The following TNFSF4 variants were observed in gnomAD, a reference collection of about 807,000 sequenced individuals.
TNFSF4 encodes tumor necrosis factor ligand superfamily member 4.
Under a neutral mutation model 7.3 loss-of-function variants are expected in TNFSF4, and 4 were observed. The ratio of observed to expected loss-of-function variants is 0.55; its 90% confidence interval spans 0.27 to 1.25. TNFSF4 has a LOEUF of 1.25. TNFSF4 is among the 50% of genes most tolerant of loss of function. The probability of loss-of-function intolerance (pLI) is 0.12; values close to 1 mark genes in which losing one functional copy is unlikely to be tolerated. For synonymous variants in TNFSF4, 76 were observed against 83.7 expected (o/e 0.91, Z 0.50); for missense variants, 181 against 208.8 (o/e 0.87, Z 0.82).
At chr1:173,314,420 A>C in the TNFSF4 span, among the ~76,000 whole-genome samples, 1 of 152,174 alleles carries the variant, frequency 6.6e-6, no homozygotes. Flanking sequence ...GCCCTCAAGC[A>C]GGCTACATAT....
the TNFSF4 span, among the ~76,000 whole-genome samples, chr1:173,306,442 G>A: frequency 6.6e-6 from 1 of 151,916 alleles, no homozygotes; most frequent in Admixed American, 6.6e-5. Context: ...AGTGAGATGG[G>A]TGGGAAGAGG....
chr1:173,235,068 CTTTAT>C, the TNFSF4 span, among the ~76,000 whole-genome samples: 1 of 152,088 alleles, frequency 6.6e-6, no homozygotes, highest in Non-Finnish European at 1.5e-5. Context: ...TTAGTGTTCC[CTTTAT>C]TTTGAGTGTT....
At chr1:173,424,769 T>C in the TNFSF4 span, among the ~76,000 whole-genome samples, 1 of 152,200 alleles carries the variant, frequency 6.6e-6, no homozygotes, top group Non-Finnish European at 1.5e-5. Flanking sequence ...AACCAGGTCA[T>C]ACAGTGGAAA....
chr1:173,202,956 CCCTCCCT>C (rs141321660), intron 1 of TNFSF4, among the ~76,000 whole-genome samples: 22,585 of 152,018 alleles, frequency 0.15, 2,089 homozygotes, highest in Middle Eastern at 0.26. Flanking sequence ...GCTGAGGCAG[CCCTCCCT>C]CCTCCCTCCT....
At chr1:173,293,433 C>A in the TNFSF4 span, among the ~76,000 whole-genome samples, 1 of 151,856 alleles carries the variant, frequency 6.6e-6, no homozygotes, top group South Asian at 2.1e-4. Context: ...AGATTGAAAC[C>A]GGACCCCTAC....
the TNFSF4 span, among the ~76,000 whole-genome samples, chr1:173,235,631 G>A: frequency 5.9e-5 from 9 of 152,322 alleles, no homozygotes; most frequent in East Asian, 1.5e-3. Flanking sequence ...TTCACTGTGG[G>A]CATGTTTAGA....
the TNFSF4 span, among the ~76,000 whole-genome samples, chr1:173,359,941 A>G: frequency 6.6e-6 from 1 of 152,238 alleles, no homozygotes; most frequent in Non-Finnish European, 1.5e-5. Context: ...TCTGCACACC[A>G]GTATTTTATA....
the TNFSF4 span, among the ~76,000 whole-genome samples, chr1:173,216,918 G>T: frequency 2.6e-5 from 4 of 151,862 alleles, no homozygotes; most frequent in Admixed American, 2.0e-4. Context: ...GCTCAAATTC[G>T]CCCTGGTTAT....
the TNFSF4 span, among the ~76,000 whole-genome samples, chr1:173,349,958 T>C: frequency 6.6e-6 from 1 of 152,242 alleles, no homozygotes; most frequent in Non-Finnish European, 1.5e-5. Context: ...AGTTCCTGTG[T>C]AAACTAGGTT....
At chr1:173,380,308 A>C in the TNFSF4 span, among the ~76,000 whole-genome samples, 2 of 152,136 alleles carry the variant, frequency 1.3e-5, no homozygotes, top group Admixed American at 1.3e-4. Flanking sequence ...CAAGTTACCC[A>C]TTTGTAGTCC....
chr1:173,244,667 C>CAAAAAAAAAA, the TNFSF4 span, among the ~76,000 whole-genome samples: 2 of 134,812 alleles, frequency 1.5e-5, no homozygotes, highest in Non-Finnish European at 3.2e-5. Flanking sequence ...ACAAAAAAAA[C>CAAAAAAAAAA]AAAAAAAAAA....
At chr1:173,340,030 T>G in the TNFSF4 span, among the ~76,000 whole-genome samples, 1 of 152,286 alleles carries the variant, frequency 6.6e-6, no homozygotes, top group African/African-American at 2.4e-5. Flanking sequence ...TTTACTATGA[T>G]GTGAGTGGGC....
At chr1:173,413,519 G>A in the TNFSF4 span, among the ~76,000 whole-genome samples, 2 of 152,158 alleles carry the variant, frequency 1.3e-5, no homozygotes, top group Non-Finnish European at 2.9e-5. Flanking sequence ...AGACAGCAGC[G>A]CTCCAGAATC....
the TNFSF4 span, among the ~76,000 whole-genome samples, chr1:173,383,750 A>G: frequency 6.6e-6 from 1 of 152,182 alleles, no homozygotes; most frequent in African/African-American, 2.4e-5. Flanking sequence ...GGAGAAAACC[A>G]GGGACTGGGA....
At chr1:173,382,900 AC>A in the TNFSF4 span, among the ~76,000 whole-genome samples, 217 of 151,920 alleles carry the variant, frequency 1.4e-3, 1 homozygote, top group African/African-American at 4.4e-3. Flanking sequence ...ACACACACAC[AC>A]ACACACACAA....
intron 1 of TNFSF4, among the ~76,000 whole-genome samples, chr1:173,201,999 G>A (rs987295352): frequency 6.6e-6 from 1 of 151,906 alleles, no homozygotes. Flanking sequence ...CATGAATGGA[G>A]AATCCCTGAA....
the TNFSF4 span, among the ~76,000 whole-genome samples, chr1:173,291,436 A>C: frequency 6.6e-6 from 1 of 152,142 alleles, no homozygotes. Flanking sequence ...AAATCAAAAA[A>C]ATTTTTGAAA....
the TNFSF4 span, among the ~76,000 whole-genome samples, chr1:173,315,095 T>C: frequency 6.6e-6 from 1 of 152,122 alleles, no homozygotes; most frequent in Admixed American, 6.6e-5. Context: ...CATTAGAGAT[T>C]AATAATTTTG....
At chr1:173,297,358 A>C in the TNFSF4 span, among the ~76,000 whole-genome samples, 1 of 152,008 alleles carries the variant, frequency 6.6e-6, no homozygotes, top group Non-Finnish European at 1.5e-5. Flanking sequence ...GACTTGTCAC[A>C]GTCCAAGTAA....
Sources: gnomAD v4.1 joint callset for allele counts (sites outside exome capture counted in the v4.1 genomes callset) on GRCh38, gnomAD v4.1.1 for gene constraint, MANE v1.5 for transcripts, NCBI Gene and HGNC (gene_info 2026-07-23, HGNC 2026-07-21) for gene names.